Variants in NSF observed in about 807,000 individuals in gnomAD.
NSF encodes the protein N-ethylmaleimide sensitive factor, vesicle fusing ATPase, also known as vesicle-fusing ATPase.
A neutral mutation model predicts 50.3 loss-of-function variants in NSF; 14 were observed. That is an observed-to-expected ratio of 0.28 (90% CI 0.18 to 0.44). The LOEUF is 0.44. Among genes scored for constraint, NSF ranks in the 20% least tolerant of loss-of-function variants. NSF has a pLI of 1.00. For missense variants in NSF, 218 were observed against 504.3 expected (o/e 0.43, Z 5.44); for synonymous variants, 109 against 175.7 (o/e 0.62, Z 3.00).
intron 13 of NSF, among the ~76,000 whole-genome samples, chr17:46,709,874 A>G (rs995861551): frequency 6.6e-6 from 1 of 152,196 alleles, no homozygotes; most frequent in African/African-American, 2.4e-5. Flanking sequence ...TGAATTTGCC[A>G]TATCTAGGCC....
At position 46,756,086 on chromosome 17, in the gene NSF, G is replaced by T. The variant is rs749642213; in HGVS notation, c.*263G>T. 3.1e-5 allele frequency: 13 copies of T among 423,578 alleles called. No individual in the cohort carries two copies. Among genetic ancestry groups the T allele is most frequent in the Middle Eastern group, 5.8e-4 (1 of 1,710 alleles). 26.2% of individuals were successfully genotyped at this position (423,578 alleles called of 1,614,324 possible). A position where few individuals can be genotyped will look rare whatever the true frequency, so the allele number is the denominator to read the frequency against. Reference sequence around the variant, plus strand: ...GGCTAAAGTGATTCCTTCTTGCTCAGTCCCTCTGGGTGGGAACCATCCAGT... The same window carrying T: ...GGCTAAAGTGATTCCTTCTTGCTCATTCCCTCTGGGTGGGAACCATCCAGT... On this transcript the variant is annotated 3_prime_UTR_variant, in exon 21 of 21. Transcript: ENST00000398238.
rs146303881 is a variant in NSF, at chr17:46,719,174, A to G, written c.1761+5188A>G. Among the ~76,000 whole-genome samples the G allele has an allele frequency of 5.1e-4, 77 of 152,316 alleles. No individual in the cohort carries two copies. Among genetic ancestry groups the G allele is most frequent in the African/African-American group, 1.8e-3 (75 of 41,558 alleles). On this transcript the variant is annotated intron_variant, in intron 15 of 20. Coordinates refer to ENST00000398238, the MANE Select transcript of NSF (RefSeq NM_006178.4). The surrounding 1 kb of genome is among the most constrained non-coding windows in gnomAD (Gnocchi z 4.3). ...CTACATTTCAATGACTAAATGCTCA[A>G]ATTTAAGATTTTTCAAAATGTTTTG...
In NSF at chr17:46,622,202, A is replaced by G; in HGVS notation, c.13-2042A>G. ...GCTGGGTGCAGTGGCTCACACCTGTAATCTCAGCACTTTGGGAGACCGAGG... is the reference window on the plus strand; with the variant it reads ...GCTGGGTGCAGTGGCTCACACCTGTGATCTCAGCACTTTGGGAGACCGAGG... On this transcript the variant is annotated intron_variant, in intron 1 of 20. Transcript: ENST00000398238. 1.4e-5 allele frequency among the ~76,000 whole-genome samples: 2 copies of G among 144,658 alleles called. 1 individual carries two copies. Among genetic ancestry groups the G allele is most frequent in the Admixed American group, 1.4e-4 (2 of 14,290 alleles). 94.9% of individuals were successfully genotyped at this position (144,658 alleles called of 152,430 possible).
intron 13 of NSF, among the ~76,000 whole-genome samples, chr17:46,709,741 C>T (rs954896910): frequency 6.6e-5 from 10 of 152,082 alleles, no homozygotes; most frequent in African/African-American, 9.7e-5. Context: ...GTGATCCACC[C>T]GCCTCAGCCT....
chr17:46,753,729 TAGAG>T (rs1305819793), intron 19 of NSF, among the ~76,000 whole-genome samples: 1 of 152,184 alleles, frequency 6.6e-6, no homozygotes, highest in Non-Finnish European at 1.5e-5. Flanking sequence ...GCATGTGGGA[TAGAG>T]AGTGAGAGTG....
intron 15 of NSF, among the ~76,000 whole-genome samples, chr17:46,718,233 T>C (rs1405373225): frequency 6.6e-6 from 1 of 152,136 alleles, no homozygotes; most frequent in East Asian, 1.9e-4. Flanking sequence ...CCCCAACACG[T>C]GCACCCCTGC....
At chr17:46,746,143 A>G (rs2059125550) in intron 17 of NSF, among the ~76,000 whole-genome samples, 1 of 152,232 alleles carries the variant, frequency 6.6e-6, no homozygotes, top group African/African-American at 2.4e-5. Context: ...GGTCTGTTGC[A>G]TATTCATCTA....
intron 14 of NSF, chr17:46,713,226 G>A (rs1408389187): frequency 6.6e-6 from 1 of 152,318 alleles, no homozygotes; most frequent in Non-Finnish European, 1.5e-5. Flanking sequence ...GGAAGAAGTC[G>A]AACATATGGG....
chr17:46,685,316 C>T (rs935477477), intron 9 of NSF, among the ~76,000 whole-genome samples: 7 of 148,816 alleles, frequency 4.7e-5, no homozygotes, highest in Admixed American at 2.0e-4. Flanking sequence ...ATTTCCAGTT[C>T]GATATTAATT....
At chr17:46,709,980 A>G (rs2058702879) in intron 13 of NSF, among the ~76,000 whole-genome samples, 1 of 152,208 alleles carries the variant, frequency 6.6e-6, no homozygotes, top group South Asian at 2.1e-4. Flanking sequence ...TTTTGTGGCA[A>G]AGTAATAGAG....
intron 1 of NSF, among the ~76,000 whole-genome samples, chr17:46,621,170 C>T (rs1263018092): frequency 1.4e-5 from 2 of 147,294 alleles, no homozygotes; most frequent in Non-Finnish European, 3.0e-5. Context: ...TATATTCATA[C>T]AGTTAACCTC....
intron 17 of NSF, among the ~76,000 whole-genome samples, chr17:46,747,996 G>GT (rs2059147742): frequency 6.6e-6 from 1 of 152,136 alleles, no homozygotes; most frequent in South Asian, 2.1e-4. Flanking sequence ...GATTCTGAAA[G>GT]TTTTGTATTA....
At chr17:46,635,777 A>ATATGTGTGTG (rs575728163) in intron 4 of NSF, among the ~76,000 whole-genome samples, 1 of 116,796 alleles carries the variant, frequency 8.6e-6, no homozygotes, top group Non-Finnish European at 1.9e-5. Context: ...GGGAAAATAA[A>ATATGTGTGTG]TGTGTGTGTG....
Position 46,751,508 on chromosome 17 carries a change from G to A in NSF, c.2049G>A (p.Leu683=), listed in dbSNP as rs2059181450. The stretch of plus-strand genomic sequence containing the variant: ...ATTGTTTATTGTTTTTGTAGCTTTT[G>A]GGCAACTTCAAGGATAAGGAACGCA... ...GEQLLEALEL[L]GNFKDKERTT... is the part of the protein sequence containing the mutation. Residue 683 remains leucine (L), a synonymous_variant, in exon 19 of 21, where the codon TTG becomes TTA. Transcript: ENST00000398238. 2 of 1,612,868 alleles carry A rather than the reference G, an allele frequency of 1.2e-6. No individual in the cohort carries two copies.
chr17:46,712,989 T>C (rs1316917131), intron 14 of NSF, among the ~76,000 whole-genome samples: 2 of 152,150 alleles, frequency 1.3e-5, no homozygotes, highest in African/African-American at 4.8e-5. Flanking sequence ...TGGGAGCCTG[T>C]TCAGTGTAAT....
intron 13 of NSF, among the ~76,000 whole-genome samples, chr17:46,708,272 G>A (rs143524577): frequency 1.2e-4 from 18 of 152,102 alleles, no homozygotes; most frequent in Non-Finnish European, 2.1e-4. Context: ...CCACCATACC[G>A]TTTTCCACGG....
At chr17:46,715,257 C>T (rs888607706) in intron 15 of NSF, among the ~76,000 whole-genome samples, 1 of 152,148 alleles carries the variant, frequency 6.6e-6, no homozygotes, top group Admixed American at 6.5e-5. Context: ...GAGGTGAAAC[C>T]AATAGTATCT....
chr17:46,742,696 A>C (rs1258570448), intron 17 of NSF, among the ~76,000 whole-genome samples: 1 of 152,136 alleles, frequency 6.6e-6, no homozygotes, highest in Non-Finnish European at 1.5e-5. Flanking sequence ...AGGGAAGAGC[A>C]TTCCAGGCAG....
chr17:46,711,419 T>C (rs2146262301), intron 14 of NSF, among the ~76,000 whole-genome samples: 1 of 152,324 alleles, frequency 6.6e-6, no homozygotes, highest in Non-Finnish European at 1.5e-5. Context: ...AAATACTTAC[T>C]GAGTACTTGT....
Sources: gnomAD v4.1 joint callset for allele counts (sites outside exome capture counted in the v4.1 genomes callset) on GRCh38, gnomAD v4.1.1 for gene constraint, Gnocchi (gnomAD v3.1) non-coding constraint, MANE v1.5 for transcripts, NCBI Gene and HGNC (gene_info 2026-07-23, HGNC 2026-07-21) for gene names.